NPTX1: variants seen among roughly 807,000 people sequenced by gnomAD.
NPTX1 encodes the protein neuronal pentraxin-1.
NPTX1 carries 12 observed loss-of-function variants against 38.7 expected under a neutral mutation model. That is an observed-to-expected ratio of 0.31 (90% CI 0.20 to 0.50). The LOEUF is 0.50. Ranked by LOEUF, NPTX1 falls within the 20% of genes least tolerant of loss-of-function variation. NPTX1 has a pLI of 0.98. For synonymous variants in NPTX1, 272 were observed against 264.9 expected (o/e 1.03, Z -0.26); for missense variants, 454 against 592.2 (o/e 0.77, Z 2.42).
chr17:80,476,429 G>A lies in NPTX1; in HGVS notation c.18C>T (p.Ala6=), dbSNP rs1381061685. MPAGR[A]ARTCALLALC... ...GGGCGAGCAGCGCACAGGTGCGCGC[G>A]GCGCGGCCGGCCGGCATGGCTGCGG... The change falls in exon 1 of 5, where the codon GCC becomes GCT. Residue 6 remains alanine (A), a synonymous_variant. Coordinates refer to ENST00000306773, the MANE Select transcript of NPTX1 (RefSeq NM_002522.4). The surrounding 1 kb of genome is among the most constrained non-coding windows in gnomAD (Gnocchi z 6.3). 1.7e-5 allele frequency: 23 copies of A among 1,350,182 alleles called. No individual in the cohort carries two copies. The highest frequency in any genetic ancestry group is 2.0e-5 in the Non-Finnish European group (21 of 1,058,190). The allele number at this position is 1,350,182 out of a possible 1,614,324, so 83.6% of individuals were successfully genotyped here.
rs914330835 is a variant in NPTX1, at chr17:80,469,126, G to C, written c.*1687C>G. 1.3e-5 allele frequency: 2 copies of C among 152,534 alleles called. No individual in the cohort carries two copies. The highest frequency in any genetic ancestry group is 4.8e-5 in the African/African-American group (2 of 41,442). The allele number at this position is 152,534 out of a possible 1,614,324, so 9.4% of individuals were successfully genotyped here. On this transcript the variant is annotated 3_prime_UTR_variant, in exon 5 of 5. Coordinates refer to ENST00000306773, the MANE Select transcript of NPTX1 (RefSeq NM_002522.4). ...TGACACAACGTGGACCTGTGTTTAA[G>C]GGGACAGGTGGCCCTAGAAGGAACA... is the stretch of plus-strand genomic sequence containing the variant.
In NPTX1 at chr17:80,473,449, G is replaced by A. The variant is rs376609770; in HGVS notation, c.653-5C>T. ...CAGGGCGGTTGTCTTTCTGACCTGC[G>A]GAAGACACAGTCCTGACATCTGCAC... On this transcript the variant is annotated splice_polypyrimidine_tract_variant and splice_region_variant and intron_variant, in intron 2 of 4. Transcript: ENST00000306773. The A allele has an allele frequency of 1.8e-5, 29 of 1,613,420 alleles. No individual in the cohort carries two copies. The highest frequency in any genetic ancestry group is 1.7e-4 in the Middle Eastern group (1 of 5,922).
In NPTX1 at chr17:80,475,492, C is replaced by A; in HGVS notation, c.652+19G>T. Reference sequence around the variant, plus strand: ...AAGCAGGTGCAGGCAGGCAGCACGGCTCCCCCTGGCCCCAGTACCTTTCTC... The same window carrying A: ...AAGCAGGTGCAGGCAGGCAGCACGGATCCCCCTGGCCCCAGTACCTTTCTC... On this transcript the variant is annotated intron_variant, in intron 2 of 4. Coordinates refer to ENST00000306773, the MANE Select transcript of NPTX1 (RefSeq NM_002522.4). This position sits in a 1 kb window ranked among gnomAD's most constrained non-coding sequence, Gnocchi z 6.5. 6.3e-7 allele frequency: 1 copy of A among 1,587,732 alleles called. No individual in the cohort carries two copies.
chr17:80,471,069 T>C, intron 4 of NPTX1, 35 bp from the exon 5 acceptor site: 1 of 1,514,710 alleles, frequency 6.6e-7, no homozygotes, highest in Non-Finnish European at 9.0e-7. Flanking sequence ...AGTGGAGGGG[T>C]CGCCAGGTGG....
intron 4 of NPTX1, 46 bp from the exon 5 acceptor site, chr17:80,471,080 T>C: frequency 6.9e-7 from 1 of 1,450,990 alleles, no homozygotes; most frequent in South Asian, 1.3e-5. Flanking sequence ...CGCCAGGTGG[T>C]CTGGGGGCCC....
intron 3 of NPTX1, among the ~76,000 whole-genome samples, chr17:80,472,316 T>A (rs997419603): frequency 6.6e-6 from 1 of 151,738 alleles, no homozygotes; most frequent in Non-Finnish European, 1.5e-5. Flanking sequence ...CTCTCCTCTC[T>A]CTTCCGATGT....
rs577235526 is a variant in NPTX1, at chr17:80,470,703, G to A, written c.*110C>T. On this transcript the variant is annotated 3_prime_UTR_variant, in exon 5 of 5. Coordinates refer to ENST00000306773, the MANE Select transcript of NPTX1 (RefSeq NM_002522.4). ...TGTGTGCGTGTGCGTGTGCAGGGGC[G>A]ACGGCCTCGGTTCATTCCTGGGGAA... is the stretch of plus-strand genomic sequence containing the variant. 1.6e-4 allele frequency: 124 copies of A among 768,818 alleles called. No individual in the cohort carries two copies. The African/African-American group carries it at 1.8e-3, about 11-fold the overall frequency. The allele number at this position is 768,818 out of a possible 1,614,324, so 47.6% of individuals were successfully genotyped here.
At chr17:80,473,492 C>T (rs746565011) in intron 2 of NPTX1, 48 bp from the exon 3 acceptor site, 17 of 1,598,494 alleles carry the variant, frequency 1.1e-5, no homozygotes, top group East Asian at 2.2e-5. Context: ...AAGTGCTTAT[C>T]GGTGTCTGAG....
rs780891833 is a variant in NPTX1 at position 80,476,158 on chromosome 17, G to A, written c.289C>T (p.Pro97Ser). The A allele has an allele frequency of 1.1e-5, 18 of 1,591,732 alleles. No individual in the cohort carries two copies. Among genetic ancestry groups the A allele is most frequent in the Admixed American group, 1.7e-5 (1 of 58,380 alleles). Reference protein sequence around the residue: ...GRCESQSTLDPGAGEARAGGG... With the variant: ...GRCESQSTLDSGAGEARAGGG... ...CCCGCCCGGGCCTCGCCGGCTCCGG[G>A]GTCCAGCGTGCTCTGGCTCTCGCAG... The change falls in exon 1 of 5, where the codon CCC (proline) becomes TCC (serine). Residue 97 changes from proline to serine, a missense_variant. Pro to Ser is a moderately conservative substitution (Grantham distance 74). Coordinates refer to ENST00000306773, the MANE Select transcript of NPTX1 (RefSeq NM_002522.4). This position sits in a 1 kb window ranked among gnomAD's most constrained non-coding sequence, Gnocchi z 6.3.
rs1217863670 is a variant in NPTX1, at chr17:80,469,759, C to G, written c.*1054G>C. 1 of 152,328 alleles carries G rather than the reference C, an allele frequency of 6.6e-6. No homozygotes were observed. Among genetic ancestry groups the G allele is most frequent in the Non-Finnish European group, 1.5e-5 (1 of 68,098 alleles). 9.4% of individuals were successfully genotyped at this position (152,328 alleles called of 1,614,324 possible). A position where few individuals can be genotyped will look rare whatever the true frequency, so the allele number is the denominator to read the frequency against. ...GGGCTGGGTTGAAGTCCCAGTGGCC[C>G]CATGTGGCCAGGTCTTCATCGAAAC... On this transcript the variant is annotated 3_prime_UTR_variant, in exon 5 of 5. Transcript: ENST00000306773.
Position 80,467,744 on chromosome 17 carries a change from G to A in NPTX1, c.*3069C>T, listed in dbSNP as rs950192622. 1.3e-5 allele frequency: 2 copies of A among 152,468 alleles called. No individual in the cohort carries two copies. The highest frequency in any genetic ancestry group is 2.4e-5 in the African/African-American group (1 of 41,454). 9.4% of individuals were successfully genotyped at this position (152,468 alleles called of 1,614,324 possible). ...TACATGCTTTCAGTTCTACGTTTTG[G>A]TGGAGCCTGAAAGTATTTTCAAGGG... On this transcript the variant is annotated 3_prime_UTR_variant, in exon 5 of 5. Coordinates refer to ENST00000306773, the MANE Select transcript of NPTX1 (RefSeq NM_002522.4).
chr17:80,473,493 G>T, intron 2 of NPTX1, 49 bp from the exon 3 acceptor site: 1 of 1,597,044 alleles, frequency 6.3e-7, no homozygotes, highest in Non-Finnish European at 8.5e-7. Context: ...AGTGCTTATC[G>T]GTGTCTGAGT....
In NPTX1 at chr17:80,475,832, G is replaced by A. The variant is rs1478276811; in HGVS notation, c.445-114C>T. ...GACTGCGGGGGCGGCCTGGCAGGGA[G>A]CTGGGGCGAGTGGCCGCCGCGGGGC... On this transcript the variant is annotated intron_variant, in intron 1 of 4. Transcript: ENST00000306773. This position sits in a 1 kb window ranked among gnomAD's most constrained non-coding sequence, Gnocchi z 6.5. The A allele has an allele frequency of 2.2e-6, 2 of 894,640 alleles. No homozygotes were observed. Among genetic ancestry groups the A allele is most frequent in the Non-Finnish European group, 3.1e-6 (2 of 638,990 alleles). 55.4% of individuals were successfully genotyped at this position (894,640 alleles called of 1,614,324 possible).
chr17:80,470,662 G>A lies in NPTX1; in HGVS notation c.*151C>T. ...GGAGCAGGGGCTGCTTCGTGTGCAT[G>A]AGGACAAAACCAGGCTGTGTGCGTG... On this transcript the variant is annotated 3_prime_UTR_variant, in exon 5 of 5. Coordinates refer to ENST00000306773, the MANE Select transcript of NPTX1 (RefSeq NM_002522.4). 1 of 591,616 alleles carries A rather than the reference G, an allele frequency of 1.7e-6. No individual in the cohort carries two copies. Among genetic ancestry groups the A allele is most frequent in the Admixed American group, 3.1e-5 (1 of 32,070 alleles). 36.6% of individuals were successfully genotyped at this position (591,616 alleles called of 1,614,324 possible).
chr17:80,472,612 TTTTAGCCA>T, intron 3 of NPTX1, among the ~76,000 whole-genome samples: 1 of 152,184 alleles, frequency 6.6e-6, no homozygotes, highest in Non-Finnish European at 1.5e-5. Flanking sequence ...CCAGCCCAGG[TTTTAGCCA>T]TTGACTACCA....
At position 80,475,849 on chromosome 17, in the gene NPTX1, C is replaced by T; in HGVS notation, c.445-131G>A. The T allele has an allele frequency of 2.4e-6, 2 of 846,532 alleles. No homozygotes were observed. The highest frequency in any genetic ancestry group is 3.3e-6 in the Non-Finnish European group (2 of 601,738). 52.4% of individuals were successfully genotyped at this position (846,532 alleles called of 1,614,324 possible). ...GGCAGGGAGCTGGGGCGAGTGGCCG[C>T]CGCGGGGCCTCGCAGGCGCGGGGAG... On this transcript the variant is annotated intron_variant, in intron 1 of 4. Transcript: ENST00000306773. The surrounding 1 kb of genome is among the most constrained non-coding windows in gnomAD (Gnocchi z 6.5).
At chr17:80,471,989 TG>T in intron 3 of NPTX1, 78 bp from the exon 4 acceptor site, 2 of 1,261,350 alleles carry the variant, frequency 1.6e-6, no homozygotes, top group Non-Finnish European at 1.1e-6. Flanking sequence ...CTGCCTCAGT[TG>T]TTCCTATCTC....
In NPTX1 at chr17:80,475,045, GA is replaced by G. The variant is rs977293087; in HGVS notation, c.652+465del. Among the ~76,000 whole-genome samples, 1 of 152,214 alleles carries G rather than the reference GA, an allele frequency of 6.6e-6. No homozygotes were observed. The highest frequency in any genetic ancestry group is 2.4e-5 in the African/African-American group (1 of 41,450). Reference sequence around the variant, plus strand: ...AGGACACCGGGGGCATGGCAGCCGGGAAGAAACCTGCTTAACAGCCTCAGCG... The same window carrying G: ...AGGACACCGGGGGCATGGCAGCCGGGAGAAACCTGCTTAACAGCCTCAGCG... On this transcript the variant is annotated intron_variant, in intron 2 of 4. Transcript: ENST00000306773. The surrounding 1 kb of genome is among the most constrained non-coding windows in gnomAD (Gnocchi z 6.5).
At position 80,471,839 on chromosome 17, in the gene NPTX1, CG is replaced by C; in HGVS notation, c.969del (p.Asp323GlufsTer64). ...CCATCCTGGTAGGCCTCCCAGACCC[CG>C]TCCCGGGTGGTCCAGGTGACACAGA... ...HHICVTWTTR[D>X]GVWEAYQDGT... is the part of the protein sequence containing the mutation. On this transcript the variant is annotated frameshift_variant, in exon 4 of 5. Transcript: ENST00000306773. LOFTEE classifies it high-confidence loss of function. 6.2e-7 allele frequency: 1 copy of C among 1,613,680 alleles called. No individual in the cohort carries two copies. Among genetic ancestry groups the C allele is most frequent in the South Asian group, 1.1e-5 (1 of 91,090 alleles).
Sources: gnomAD v4.1 joint callset for allele counts (sites outside exome capture counted in the v4.1 genomes callset) on GRCh38, gnomAD v4.1.1 for gene constraint, Gnocchi (gnomAD v3.1) non-coding constraint, MANE v1.5 for transcripts, NCBI Gene and HGNC (gene_info 2026-07-23, HGNC 2026-07-21) for gene names.